Variants in PRRX1 observed in about 807,000 individuals in gnomAD.
PRRX1 encodes the protein paired mesoderm homeobox protein 1.
A neutral mutation model predicts 24.0 loss-of-function variants in PRRX1; 8 were observed. The ratio of observed to expected loss-of-function variants is 0.33; its 90% CI spans 0.20 to 0.60. The LOEUF is 0.60. Among genes scored for constraint, PRRX1 ranks in the 20% least tolerant of loss-of-function variants. PRRX1 has a pLI of 0.82. For synonymous variants in PRRX1, 160 were observed against 131.7 expected, an observed-to-expected ratio of 1.22 and a Z score of -1.47; for missense variants, 281 against 322.4, an observed-to-expected ratio of 0.87 and a Z score of 0.98.
At chr1:170,717,098 CCT>C (rs1483815668) in intron 1 of PRRX1, among the ~76,000 whole-genome samples, 4 of 152,166 alleles carry the variant, frequency 2.6e-5, no homozygotes, top group Admixed American at 6.5e-5. Context: ...TCCCTGGATC[CCT>C]GTTATTTGTG....
chr1:170,734,059 A>G (rs1156759145), intron 3 of PRRX1, among the ~76,000 whole-genome samples: 1 of 152,132 alleles, frequency 6.6e-6, no homozygotes, highest in Admixed American at 6.6e-5. Flanking sequence ...AACTGTACTA[A>G]TAACTTGTTC....
chr1:170,730,307 C>T lies in PRRX1; in HGVS notation c.599+3906C>T, dbSNP rs148572157. The T allele has an allele frequency of 4.2e-5, 67 of 1,612,412 alleles. No homozygotes were observed. The highest frequency in any genetic ancestry group is 3.3e-4 in the Middle Eastern group (2 of 6,060). On this transcript the variant is annotated intron_variant, in intron 3 of 3. Coordinates refer to ENST00000239461, the MANE Select transcript of PRRX1 (RefSeq NM_022716.4). Reference sequence around the variant, plus strand: ...CGTCCCTCCCAAGATGTTGTTTACACGAGGGGCTTCATAACGGATTCTAAC... The same window carrying T: ...CGTCCCTCCCAAGATGTTGTTTACATGAGGGGCTTCATAACGGATTCTAAC...
chr1:170,726,386 C>G lies in PRRX1; in HGVS notation c.584C>G (p.Thr195Arg), dbSNP rs1423298383. ...PRPTDYLSWGTASPYSAMATY... is the reference protein window; with the variant it reads ...PRPTDYLSWGRASPYSAMATY... ...CCCACCGATTATCTCTCCTGGGGGACAGCGTCTCCGTACAGGTGAATGACT... is the reference window on the plus strand; with the variant it reads ...CCCACCGATTATCTCTCCTGGGGGAGAGCGTCTCCGTACAGGTGAATGACT... The change falls in exon 3 of 4, where the codon ACA becomes AGA. Residue 195 changes from threonine (T) to arginine (R), a missense_variant. Transcript: ENST00000239461. The G allele has an allele frequency of 1.9e-6, 3 of 1,613,854 alleles. No homozygotes were observed. The highest frequency in any genetic ancestry group is 2.5e-6 in the Non-Finnish European group (3 of 1,179,860).
At chr1:170,688,723 A>G (rs1194764490) in intron 1 of PRRX1, among the ~76,000 whole-genome samples, 4 of 152,138 alleles carry the variant, frequency 2.6e-5, no homozygotes, top group African/African-American at 9.6e-5. Flanking sequence ...ACTATGTTGT[A>G]CTGATTTTTG....
At chr1:170,712,291 G>A (rs1350827725) in intron 1 of PRRX1, among the ~76,000 whole-genome samples, 2 of 152,002 alleles carry the variant, frequency 1.3e-5, no homozygotes, top group Admixed American at 6.6e-5. Context: ...GAACTTTTGG[G>A]GCAAACACCT....
intron 1 of PRRX1, among the ~76,000 whole-genome samples, chr1:170,686,088 C>T (rs775676273): frequency 6.7e-6 from 1 of 149,710 alleles, no homozygotes; most frequent in Non-Finnish European, 1.5e-5. Context: ...GCTGTCAATC[C>T]GGCACCTTTC....
intron 1 of PRRX1, among the ~76,000 whole-genome samples, chr1:170,699,759 G>A (rs368742844): frequency 6.6e-6 from 1 of 151,938 alleles, no homozygotes; most frequent in Non-Finnish European, 1.5e-5. Flanking sequence ...GATTTGAGAA[G>A]GAGTCTCGCT....
chr1:170,703,582 C>T (rs1220073347), intron 1 of PRRX1, among the ~76,000 whole-genome samples: 1 of 149,662 alleles, frequency 6.7e-6, no homozygotes, highest in Non-Finnish European at 1.5e-5. Context: ...AATAATAATA[C>T]ATTATATAAT....
chr1:170,666,963 C>T (rs1652959455), intron 1 of PRRX1, among the ~76,000 whole-genome samples: 1 of 152,042 alleles, frequency 6.6e-6, no homozygotes, highest in Non-Finnish European at 1.5e-5. Context: ...CTGAGCCTGG[C>T]GCCTCAGAGG....
chr1:170,677,750 C>G (rs978576935), intron 1 of PRRX1, among the ~76,000 whole-genome samples: 2 of 152,282 alleles, frequency 1.3e-5, no homozygotes, highest in Middle Eastern at 3.4e-3. Context: ...TGGTTATCAC[C>G]TTTAGGTCAC....
rs928810803 is a variant in PRRX1, at chr1:170,736,706, G to A, written c.*520G>A. 1 of 195,318 alleles carries A rather than the reference G, an allele frequency of 5.1e-6. No homozygotes were observed. Among genetic ancestry groups the A allele is most frequent in the African/African-American group, 2.3e-5 (1 of 42,948 alleles). 12.1% of individuals were successfully genotyped at this position (195,318 alleles called of 1,614,324 possible). A position where few individuals can be genotyped will look rare whatever the true frequency, so the allele number is the denominator to read the frequency against. Reference sequence around the variant, plus strand: ...AAGTCTTTCTGAAGAATCTGTGCTGGACAGACATAATTCCCTTTCTCATTG... The same window carrying A: ...AAGTCTTTCTGAAGAATCTGTGCTGAACAGACATAATTCCCTTTCTCATTG... On this transcript the variant is annotated 3_prime_UTR_variant, in exon 4 of 4. Transcript: ENST00000239461.
chr1:170,674,574 T>C (rs1653248918), intron 1 of PRRX1, among the ~76,000 whole-genome samples: 1 of 152,212 alleles, frequency 6.6e-6, no homozygotes, highest in African/African-American at 2.4e-5. Context: ...TCTAAATATT[T>C]TATGATTATC....
At chr1:170,715,863 C>T (rs922435972) in intron 1 of PRRX1, among the ~76,000 whole-genome samples, 2 of 152,180 alleles carry the variant, frequency 1.3e-5, no homozygotes, top group Non-Finnish European at 2.9e-5. Flanking sequence ...ATCTGTCTTT[C>T]CTATAAATAT....
chr1:170,706,437 T>C (rs1332200422), intron 1 of PRRX1, among the ~76,000 whole-genome samples: 4 of 152,170 alleles, frequency 2.6e-5, no homozygotes, highest in African/African-American at 7.2e-5. Context: ...TACTATGCCC[T>C]TTTTCAACAG....
intron 1 of PRRX1, among the ~76,000 whole-genome samples, chr1:170,710,289 T>A (rs1033961835): frequency 6.6e-6 from 1 of 152,204 alleles, no homozygotes; most frequent in Non-Finnish European, 1.5e-5. Context: ...AGGCTAGGCA[T>A]TGGAAGTGTA....
At chr1:170,668,934 C>T (rs1441474512) in intron 1 of PRRX1, 2 of 152,110 alleles carry the variant, frequency 1.3e-5, no homozygotes, top group Non-Finnish European at 2.9e-5. Context: ...GATTAAGTGC[C>T]TCACTGAGTC....
At chr1:170,720,381 T>A (rs1262899242) in intron 2 of PRRX1, among the ~76,000 whole-genome samples, 1 of 152,234 alleles carries the variant, frequency 6.6e-6, no homozygotes, top group African/African-American at 2.4e-5. Context: ...GAGGATAGAA[T>A]CCTGTTTCCA....
chr1:170,670,323 A>G (rs1269521001), intron 1 of PRRX1, among the ~76,000 whole-genome samples: 2 of 152,228 alleles, frequency 1.3e-5, no homozygotes, highest in Admixed American at 1.3e-4. Context: ...TTAAAATCAA[A>G]CGGCTTGGTG....
rs566110899 is a variant in PRRX1 at position 170,714,330 on chromosome 1, T to C, written c.242-5396T>C. Among the ~76,000 whole-genome samples the C allele has an allele frequency of 2.6e-5, 4 of 152,316 alleles. No homozygotes were observed. In the East Asian group the frequency reaches 7.7e-4, roughly 29 times the overall value. Reference sequence around the variant, plus strand: ...TAAAGTAAGTAGCTGTTGTGCAATATAAGTTCCTTTGAAAACATTGTTCAA... The same window carrying C: ...TAAAGTAAGTAGCTGTTGTGCAATACAAGTTCCTTTGAAAACATTGTTCAA... On this transcript the variant is annotated intron_variant, in intron 1 of 3. Transcript: ENST00000239461.
Sources: allele counts gnomAD v4.1 joint callset (sites outside exome capture counted in the v4.1 genomes callset), GRCh38; gene constraint gnomAD v4.1.1; transcripts MANE v1.5; gene names NCBI Gene and HGNC (gene_info 2026-07-23, HGNC 2026-07-21).